The following MAP3K11 variants were observed in gnomAD, a reference collection of about 807,000 sequenced individuals.
The protein encoded by MAP3K11 is SH3 domain-containing proline-rich kinase.
MAP3K11 carries 46 observed loss-of-function variants against 84.9 expected under a neutral mutation model. The ratio of observed to expected loss-of-function variants is 0.54; its 90% CI spans 0.43 to 0.69. MAP3K11 has a LOEUF of 0.69. MAP3K11 is among the 30% of genes least tolerant of loss of function. The pLI, the probability that MAP3K11 is intolerant of heterozygous loss-of-function variation, is 0.00. For synonymous variants in MAP3K11, 527 were observed against 514.7 expected (o/e 1.02, Z -0.32); for missense variants, 1,053 against 1,198.3 (o/e 0.88, Z 1.79).
intron 4 of MAP3K11, 51 bp from the exon 5 acceptor site, chr11:65,607,564 C>G: frequency 6.5e-7 from 1 of 1,546,916 alleles, no homozygotes; most frequent in East Asian, 2.3e-5. Flanking sequence ...CCAATCCCGG[C>G]AGCGCCCGCC....
Position 65,613,508 on chromosome 11 carries a change from C to A in MAP3K11, c.249G>T (p.Trp83Cys), listed in dbSNP as rs756183843. 2 of 1,610,650 alleles carry A rather than the reference C, an allele frequency of 1.2e-6. No individual in the cohort carries two copies. Among genetic ancestry groups the A allele is most frequent in the Non-Finnish European group, 1.7e-6 (2 of 1,178,186 alleles). The change falls in exon 1 of 10, where the codon TGG (tryptophan) becomes TGT (cysteine). Residue 83 changes from tryptophan to cysteine, a missense_variant. Trp to Cys is a radical substitution (Grantham distance 215, BLOSUM62 -2). Coordinates refer to ENST00000309100, the MANE Select transcript of MAP3K11 (RefSeq NM_002419.4). ...CCTGGCCACCCACCTGGCCCGCCCA[C>A]CAGCCCTCGTCTCCTGAGATGGCTG... ...RDAAISGDEG[W>C]WAGQVGGQVG... is the part of the protein sequence containing the mutation.
chr11:65,612,661 T>G, intron 1 of MAP3K11: 5 of 197,496 alleles, frequency 2.5e-5, no homozygotes, highest in East Asian at 1.2e-4. Context: ...TCCACGAACA[T>G]GAATTTAGGG....
rs1854513465 is a variant in MAP3K11 at position 65,606,778 on chromosome 11, C to G, written c.1516G>C (p.Ala506Pro). ...LDFKHRITVQ[A>P]SPGLDRRRNV... ...CTCCTCCGGTCAAGGCCGGGTGAGG[C>G]CTGCACGGTGATGCGGTGCTTGAAG... is the stretch of plus-strand genomic sequence containing the variant. Residue 506 changes from alanine (A) to proline (P), a missense_variant, in exon 6 of 10, where the codon GCC becomes CCC. Ala to Pro is a conservative substitution (Grantham distance 27). This residue lies in a region of MAP3K11 where 583 missense variants were observed against 566.6 expected (regional missense o/e 1.03). Coordinates refer to ENST00000309100, the MANE Select transcript of MAP3K11 (RefSeq NM_002419.4). The G allele has an allele frequency of 1.9e-6, 3 of 1,608,212 alleles. No homozygotes were observed. The highest frequency in any genetic ancestry group is 2.5e-6 in the Non-Finnish European group (3 of 1,177,436).
chr11:65,605,283 C>G (rs908909838), intron 8 of MAP3K11, among the ~76,000 whole-genome samples: 1 of 152,064 alleles, frequency 6.6e-6, no homozygotes, highest in Non-Finnish European at 1.5e-5. Context: ...GCTCGGCCTT[C>G]TCATTCTCTT....
chr11:65,598,169 C>T lies in MAP3K11; in HGVS notation c.*122G>A. 2.4e-6 allele frequency: 2 copies of T among 846,292 alleles called. No homozygotes were observed. Among genetic ancestry groups the T allele is most frequent in the Non-Finnish European group, 3.3e-6 (2 of 601,486 alleles). 52.4% of individuals were successfully genotyped at this position (846,292 alleles called of 1,614,324 possible). ...TGTGCAGTGTAGTGTTCCTGACCCC[C>T]AAAGGGGGGTGGGGTCCCTGGGGAA... On this transcript the variant is annotated 3_prime_UTR_variant, in exon 10 of 10. Coordinates refer to ENST00000309100, the MANE Select transcript of MAP3K11 (RefSeq NM_002419.4).
rs1854531191 is a variant in MAP3K11, at chr11:65,607,910, C to T, written c.1069+12G>A. ...GAGCTCTGTACCTCACCTGCCCTCCCCGTCCTCTTACCGGCCATAAGCTGT... is the reference window on the plus strand; with the variant it reads ...GAGCTCTGTACCTCACCTGCCCTCCTCGTCCTCTTACCGGCCATAAGCTGT... On this transcript the variant is annotated intron_variant, in intron 3 of 9. Coordinates refer to ENST00000309100, the MANE Select transcript of MAP3K11 (RefSeq NM_002419.4). The T allele has an allele frequency of 1.2e-6, 2 of 1,612,660 alleles. No homozygotes were observed. The highest frequency in any genetic ancestry group is 1.3e-5 in the African/African-American group (1 of 74,884).
intron 6 of MAP3K11, 92 bp downstream of exon 6, chr11:65,606,599 G>A: frequency 2.2e-6 from 2 of 928,182 alleles, no homozygotes; most frequent in African/African-American, 1.7e-5. Context: ...AGGAAGAGGG[G>A]ATAGTGAGTG....
intron 5 of MAP3K11, 39 bp from the exon 6 acceptor site, chr11:65,606,843 G>A (rs771076308): frequency 1.4e-6 from 2 of 1,388,642 alleles, no homozygotes; most frequent in Admixed American, 3.6e-5. Context: ...TCAGGTTTGT[G>A]ATGAAGTAGA....
Position 65,598,545 on chromosome 11 carries a change from T to C in MAP3K11, c.2290A>G (p.Ile764Val), listed in dbSNP as rs1854410917. 6.2e-7 allele frequency: 1 copy of C among 1,610,748 alleles called. No homozygotes were observed. The highest frequency in any genetic ancestry group is 1.3e-5 in the African/African-American group (1 of 74,810). ...GTPRSPPLGL[I>V]SRPRPSPLRS... ...AGGGGCGAGGGCCGAGGTCGGCTGA[T>C]GAGGCCCAGGGGTGGTGAACGTGGG... The change falls in exon 10 of 10, where the codon ATC (isoleucine) becomes GTC (valine). Residue 764 changes from isoleucine (I) to valine (V), a missense_variant. Coordinates refer to ENST00000309100, the MANE Select transcript of MAP3K11 (RefSeq NM_002419.4).
Position 65,598,604 on chromosome 11 carries a change from C to T in MAP3K11, c.2231G>A (p.Gly744Glu). ...GGTGCCAGGAGCAGAGCGTGATGTC[C>T]CCGGTGGGGGTGAGACAGTGCCTCC... is the stretch of plus-strand genomic sequence containing the variant. Reference protein sequence around the residue: ...PRGGTVSPPPGTSRSAPGTPG... With the variant: ...PRGGTVSPPPETSRSAPGTPG... Residue 744 changes from glycine to glutamate, a missense_variant, in exon 10 of 10, where the codon GGG becomes GAG. Gly to Glu is a moderately conservative substitution (Grantham distance 98). This residue lies in a region of MAP3K11 where 583 missense variants were observed against 566.6 expected (regional missense o/e 1.03). Coordinates refer to ENST00000309100, the MANE Select transcript of MAP3K11 (RefSeq NM_002419.4). 1 of 1,554,916 alleles carries T rather than the reference C, an allele frequency of 6.4e-7. No homozygotes were observed. The highest frequency in any genetic ancestry group is 1.2e-5 in the South Asian group (1 of 82,724).
chr11:65,597,772 T>G lies in MAP3K11; in HGVS notation c.*519A>C, dbSNP rs1854394293. ...AGGCTACATGTGGGGAGACAGCTTT[T>G]GAGTTTATTTGGCTTCTGGCTTCAC... On this transcript the variant is annotated 3_prime_UTR_variant, in exon 10 of 10. Transcript: ENST00000309100. The G allele has an allele frequency of 1.3e-5, 2 of 153,550 alleles. No individual in the cohort carries two copies. Among genetic ancestry groups the G allele is most frequent in the African/African-American group, 4.8e-5 (2 of 41,514 alleles). The allele number at this position is 153,550 out of a possible 1,614,324, so 9.5% of individuals were successfully genotyped here.
intron 6 of MAP3K11, 105 bp downstream of exon 6, chr11:65,606,586 G>A: frequency 1.3e-6 from 1 of 785,176 alleles, no homozygotes. Flanking sequence ...CCTGGGGGCG[G>A]GGAGGAAGAG....
rs117897057 is a variant in MAP3K11 at position 65,604,652 on chromosome 11, T to C, written c.1831+1109A>G. ...TCCCCTCACAGAACTGCTTGGCACA[T>C]AGAAGAGAACCAACAAAGGTTAGCT... On this transcript the variant is annotated intron_variant, in intron 8 of 9. Coordinates refer to ENST00000309100, the MANE Select transcript of MAP3K11 (RefSeq NM_002419.4). Among the ~76,000 whole-genome samples, 31 of 152,108 alleles carry C rather than the reference T, an allele frequency of 2.0e-4. 1 individual carries two copies. The East Asian group carries it at 6.0e-3, about 29-fold the overall frequency.
intron 5 of MAP3K11, 50 bp from the exon 6 acceptor site, chr11:65,606,854 G>T (rs373978204): frequency 7.9e-7 from 1 of 1,259,264 alleles, no homozygotes; most frequent in Non-Finnish European, 1.1e-6. Flanking sequence ...ATGAAGTAGA[G>T]CCAGGACCCC....
Position 65,613,669 on chromosome 11 carries a change from C to T in MAP3K11, c.88G>A (p.Gly30Ser). The change falls in exon 1 of 10, where the codon GGC (glycine) becomes AGC (serine). Residue 30 changes from glycine (G) to serine (S), a missense_variant. By Grantham distance (56) the Gly-to-Ser change is moderately conservative. Around this residue, in one of 3 missense-constraint regions of MAP3K11, gnomAD observed 160 missense variants for 167.3 expected, o/e 0.96. Coordinates refer to ENST00000309100, the MANE Select transcript of MAP3K11 (RefSeq NM_002419.4). ...GSGGGGGGGG[G>S]RPEGSPKAAG... is the part of the protein sequence containing the mutation. ...GCCTTTGGAGACCCCTCAGGCCGGC[C>T]TCCTCCACCGCCCCCACCACCCCCG... The T allele has an allele frequency of 6.2e-7, 1 of 1,611,640 alleles. No homozygotes were observed. The highest frequency in any genetic ancestry group is 8.5e-7 in the Non-Finnish European group (1 of 1,179,286).
At position 65,606,707 on chromosome 11, in the gene MAP3K11, C is replaced by A. The variant is rs768954769; in HGVS notation, c.1587G>T (p.Arg529=). Residue 529 remains arginine (R), a synonymous_variant, in exon 6 of 10, where the codon CGG becomes CGT. Transcript: ENST00000309100. ...VGPGDSPTFP[R]FRAIQLEPAE... The stretch of plus-strand genomic sequence containing the variant: ...GTTTCTTACACTGGATGGCTCGGAA[C>A]CGGGGAAAGGTGGGCGAATCCCCAG... 3.8e-6 allele frequency: 6 copies of A among 1,599,308 alleles called. No homozygotes were observed. The South Asian group carries it at 6.8e-5, about 18-fold the overall frequency.
intron 1 of MAP3K11, 25 bp downstream of exon 1, chr11:65,612,993 C>G: frequency 1.3e-6 from 2 of 1,516,620 alleles, no homozygotes; most frequent in South Asian, 1.3e-5. Flanking sequence ...CCATGCCACC[C>G]CCAACCATGC....
At chr11:65,612,786 C>T (rs567323181) in intron 1 of MAP3K11, 20 of 418,268 alleles carry the variant, frequency 4.8e-5, no homozygotes, top group South Asian at 3.8e-4. Flanking sequence ...TTGTCCAAAC[C>T]GCAGCTGCAG....
At chr11:65,603,550 G>A (rs1854477031) in intron 8 of MAP3K11, among the ~76,000 whole-genome samples, 1 of 152,232 alleles carries the variant, frequency 6.6e-6, no homozygotes, top group East Asian at 1.9e-4. Context: ...ACTCTCCAGT[G>A]GTATGGCTTA....
Sources: gnomAD v4.1 joint callset for allele counts (sites outside exome capture counted in the v4.1 genomes callset) on GRCh38, gnomAD v4.1.1 for gene constraint, gnomAD v4.1.1 regional missense constraint, MANE v1.5 for transcripts, NCBI Gene and HGNC (gene_info 2026-07-23, HGNC 2026-07-21) for gene names.